Variants in OR8K3 observed in about 807,000 individuals in gnomAD.
The protein encoded by OR8K3 is olfactory receptor 8K3.
For synonymous variants in OR8K3, 167 were observed against 138.8 expected, an observed-to-expected ratio of 1.20 and a Z score of -1.43; for missense variants, 448 against 367.4, an observed-to-expected ratio of 1.22 and a Z score of -1.79.
chr11:56,315,621 C>T (rs879327424), intron 1 of OR8K3, among the ~76,000 whole-genome samples: 8 of 151,964 alleles, frequency 5.3e-5, no homozygotes, highest in Non-Finnish European at 8.8e-5. Context: ...GGCTCTCAGA[C>T]CCCTTAACAA....
At chr11:56,316,928 G>A (rs967059478) in intron 2 of OR8K3, among the ~76,000 whole-genome samples, 18 of 151,928 alleles carry the variant, frequency 1.2e-4, no homozygotes, top group Admixed American at 5.2e-4. Flanking sequence ...TTTTAATAAA[G>A]TTTATATAAA....
rs1854508683 is a variant in OR8K3, at chr11:56,320,335, G to T, written c.*1090G>T. ...TATCTATCTGCTGGCTATTACAGATGTCCTTTGACAGTTACAGACCTTCAC... is the reference window on the plus strand; with the variant it reads ...TATCTATCTGCTGGCTATTACAGATTTCCTTTGACAGTTACAGACCTTCAC... On this transcript the variant is annotated 3_prime_UTR_variant, in exon 3 of 3. Coordinates refer to ENST00000641662, the MANE Select transcript of OR8K3 (RefSeq NM_001005202.2). 6.6e-6 allele frequency: 1 copy of T among 152,196 alleles called. No individual in the cohort carries two copies. 9.4% of individuals were successfully genotyped at this position (152,196 alleles called of 1,614,324 possible). A position where few individuals can be genotyped will look rare whatever the true frequency, so the allele number is the denominator to read the frequency against.
At chr11:56,316,546 T>C (rs138257051) in intron 2 of OR8K3, among the ~76,000 whole-genome samples, 79 of 152,176 alleles carry the variant, frequency 5.2e-4, no homozygotes, top group African/African-American at 1.7e-3. Context: ...TATTCGATTA[T>C]ACATATGTTA....
In OR8K3 at chr11:56,319,216, T is replaced by A; in HGVS notation, c.910T>A (p.Trp304Arg). ...KDVKYALRRT[W>R]NNLCNIFV ...TGTAAAATATGCCCTACGAAGGACA[T>A]GGAATAACTTATGTAATATTTTTGT... Residue 304 changes from tryptophan (W) to arginine (R), a missense_variant, in exon 3 of 3, where the codon TGG becomes AGG. Physicochemically the swap from Trp to Arg is moderately radical, Grantham distance 101. Transcript: ENST00000641662. 6.2e-7 allele frequency: 1 copy of A among 1,604,204 alleles called. No individual in the cohort carries two copies. The highest frequency in any genetic ancestry group is 8.5e-7 in the Non-Finnish European group (1 of 1,171,536).
At position 56,319,045 on chromosome 11, in the gene OR8K3, G is replaced by T; in HGVS notation, c.739G>T (p.Val247Phe). ...FSTCGAHLTV[V>F]IVFYGTLLFM... ...TACCTGTGGAGCCCACCTGACAGTG[G>T]TCATAGTGTTCTATGGGACTTTGCT... Residue 247 changes from valine (V) to phenylalanine (F), a missense_variant, in exon 3 of 3, where the codon GTC becomes TTC. Transcript: ENST00000641662. 6.2e-7 allele frequency: 1 copy of T among 1,614,090 alleles called. No homozygotes were observed. Among genetic ancestry groups the T allele is most frequent in the Non-Finnish European group, 8.5e-7 (1 of 1,179,996 alleles).
rs201372262 is a variant in OR8K3 at position 56,318,971 on chromosome 11, T to C, written c.665T>C (p.Leu222Pro). The change falls in exon 3 of 3, where the codon CTT becomes CCT. Residue 222 changes from leucine (L) to proline (P), a missense_variant. Leu to Pro is a moderately conservative substitution (Grantham distance 98). Coordinates refer to ENST00000641662, the MANE Select transcript of OR8K3 (RefSeq NM_001005202.2). ...LIVLLSYLLI[L>P]VAILRMNSAG... ...GTTCTTTTATCTTACCTGCTCATCCTTGTAGCCATTCTCAGGATGAATTCT... is the reference window on the plus strand; with the variant it reads ...GTTCTTTTATCTTACCTGCTCATCCCTGTAGCCATTCTCAGGATGAATTCT... The C allele has an allele frequency of 6.2e-6, 10 of 1,614,220 alleles. No homozygotes were observed. Among genetic ancestry groups the C allele is most frequent in the Non-Finnish European group, 8.5e-6 (10 of 1,180,040 alleles).
At chr11:56,318,251 GA>G (rs772265773) in intron 2 of OR8K3, 32 bp from the exon 3 acceptor site, 3 of 1,245,600 alleles carry the variant, frequency 2.4e-6, no homozygotes, top group Non-Finnish European at 2.3e-6. Flanking sequence ...GATGATAGAG[GA>G]AAGCTATTGA....
Position 56,318,389 on chromosome 11 carries a change from T to C in OR8K3, c.83T>C (p.Phe28Ser), listed in dbSNP as rs1485761814. The C allele has an allele frequency of 1.1e-5, 17 of 1,613,618 alleles. No individual in the cohort carries two copies. Among genetic ancestry groups the C allele is most frequent in the South Asian group, 5.5e-5 (5 of 91,064 alleles). Residue 28 changes from phenylalanine (F) to serine (S), a missense_variant, in exon 3 of 3, where the codon TTT becomes TCT. Physicochemically the swap from Phe to Ser is radical, Grantham distance 155. Coordinates refer to ENST00000641662, the MANE Select transcript of OR8K3 (RefSeq NM_001005202.2). ...ATCGCTGAGCTGCAGGCACCATTAT[T>C]TGCATTGTTCCTCATGATCTATGTG... Reference protein sequence around the residue: ...TDIAELQAPLFALFLMIYVIS... With the variant: ...TDIAELQAPLSALFLMIYVIS...
intron 2 of OR8K3, among the ~76,000 whole-genome samples, chr11:56,317,219 A>G (rs1854455940): frequency 6.6e-6 from 1 of 152,104 alleles, no homozygotes; most frequent in Non-Finnish European, 1.5e-5. Context: ...TAACAAGAAG[A>G]AGAAAACTCA....
At chr11:56,317,459 C>T (rs1258931101) in intron 2 of OR8K3, among the ~76,000 whole-genome samples, 1 of 151,828 alleles carries the variant, frequency 6.6e-6, no homozygotes, top group East Asian at 1.9e-4. Context: ...ATATTTTTTG[C>T]TTTGTAAATA....
chr11:56,319,251 G>T lies in OR8K3; in HGVS notation c.*6G>T. On this transcript the variant is annotated 3_prime_UTR_variant, in exon 3 of 3. Coordinates refer to ENST00000641662, the MANE Select transcript of OR8K3 (RefSeq NM_001005202.2). ...TATGTAATATTTTTGTTTAAATTTT[G>T]TACAATATGATTCCTATAAATTAGG... is the stretch of plus-strand genomic sequence containing the variant. 3 of 1,509,230 alleles carry T rather than the reference G, an allele frequency of 2.0e-6. No homozygotes were observed. In the South Asian group the frequency reaches 3.4e-5, roughly 17 times the overall value. 93.5% of individuals were successfully genotyped at this position (1,509,230 alleles called of 1,614,324 possible).
At position 56,319,566 on chromosome 11, in the gene OR8K3, A is replaced by C. The variant is rs912217876; in HGVS notation, c.*321A>C. ...GGCAGTAGGAAACAGTGGTCATTACAGAAGGGAGTTACGAGGATTCCAGTG... is the reference window on the plus strand; with the variant it reads ...GGCAGTAGGAAACAGTGGTCATTACCGAAGGGAGTTACGAGGATTCCAGTG... On this transcript the variant is annotated 3_prime_UTR_variant, in exon 3 of 3. Transcript: ENST00000641662. The C allele has an allele frequency of 4.2e-6, 1 of 237,848 alleles. No homozygotes were observed. The highest frequency in any genetic ancestry group is 8.2e-6 in the Non-Finnish European group (1 of 121,584). The allele number at this position is 237,848 out of a possible 1,614,324, so 14.7% of individuals were successfully genotyped here. A position where few individuals can be genotyped will look rare whatever the true frequency, so the allele number is the denominator to read the frequency against.
Position 56,318,269 on chromosome 11 carries a change from CG to C in OR8K3, c.-23-14del. On this transcript the variant is annotated splice_polypyrimidine_tract_variant and intron_variant, in intron 2 of 2. Transcript: ENST00000641662. ...GATAGAGGAAAGCTATTGACAATGCCGATGTCTCTATCAGAATAGGTTTTCT... is the reference window on the plus strand; with the variant it reads ...GATAGAGGAAAGCTATTGACAATGCCATGTCTCTATCAGAATAGGTTTTCT... 4 of 1,440,740 alleles carry C rather than the reference CG, an allele frequency of 2.8e-6. No individual in the cohort carries two copies. The South Asian group carries it at 4.9e-5, about 18-fold the overall frequency. 89.2% of individuals were successfully genotyped at this position (1,440,740 alleles called of 1,614,324 possible).
Position 56,318,675 on chromosome 11 carries a change from T to A in OR8K3, c.369T>A (p.Tyr123Ter). ...FILSAMSYDL[Y>*]VAICNPLLYT... ...TCTCAGCCATGTCCTACGACCTCTA[T>A]GTGGCCATCTGTAACCCTCTGCTAT... Residue 123 changes from tyrosine (Y) to a stop codon, truncating the protein, a stop_gained, in exon 3 of 3, where the codon TAT becomes TAA. Coordinates refer to ENST00000641662, the MANE Select transcript of OR8K3 (RefSeq NM_001005202.2). LOFTEE classifies it low-confidence loss of function (END_TRUNC). 1 of 1,613,902 alleles carries A rather than the reference T, an allele frequency of 6.2e-7. No individual in the cohort carries two copies. The highest frequency in any genetic ancestry group is 2.2e-5 in the East Asian group (1 of 44,884).
At position 56,318,573 on chromosome 11, in the gene OR8K3, G is replaced by T; in HGVS notation, c.267G>T (p.Lys89Asn). The T allele has an allele frequency of 6.2e-7, 1 of 1,613,398 alleles. No individual in the cohort carries two copies. The highest frequency in any genetic ancestry group is 1.1e-5 in the South Asian group (1 of 91,016). ...PKMLVNFVVD[K>N]NIISYYFCAT... Reference sequence around the variant, plus strand: ...TGTTAGTAAATTTTGTTGTGGATAAGAATATAATTTCTTATTATTTTTGTG... The same window carrying T: ...TGTTAGTAAATTTTGTTGTGGATAATAATATAATTTCTTATTATTTTTGTG... Residue 89 changes from lysine to asparagine, a missense_variant, in exon 3 of 3, where the codon AAG becomes AAT. By Grantham distance (94) the Lys-to-Asn change is moderately conservative. Transcript: ENST00000641662.
Position 56,318,594 on chromosome 11 carries a change from T to C in OR8K3, c.288T>C (p.Phe96=), listed in dbSNP as rs370687240. 2 of 1,613,602 alleles carry C rather than the reference T, an allele frequency of 1.2e-6. No homozygotes were observed. The highest frequency in any genetic ancestry group is 1.7e-5 in the Admixed American group (1 of 59,892). The change falls in exon 3 of 3, where the codon TTT becomes TTC. Residue 96 remains phenylalanine, a synonymous_variant. Coordinates refer to ENST00000641662, the MANE Select transcript of OR8K3 (RefSeq NM_001005202.2). The part of the protein sequence containing the change: ...VVDKNIISYY[F]CATQLAFFLV... ...ATAAGAATATAATTTCTTATTATTT[T>C]TGTGCAACACAGCTAGCTTTCTTTC...
At chr11:56,316,875 AT>A (rs1854450714) in intron 2 of OR8K3, among the ~76,000 whole-genome samples, 1 of 152,050 alleles carries the variant, frequency 6.6e-6, no homozygotes, top group African/African-American at 2.4e-5. Context: ...TCAAGTTAGC[AT>A]TTCTCAATTA....
At chr11:56,315,793 C>A (rs758279475) in intron 1 of OR8K3, among the ~76,000 whole-genome samples, 5 of 146,952 alleles carry the variant, frequency 3.4e-5, no homozygotes, top group Admixed American at 6.7e-5. Flanking sequence ...AAAAAAAAAA[C>A]ATTTTAAAAT....
In OR8K3 at chr11:56,318,641, T is replaced by G. The variant is rs374707957; in HGVS notation, c.335T>G (p.Leu112Arg). Reference protein sequence around the residue: ...AFFLVFIGSELFILSAMSYDL... With the variant: ...AFFLVFIGSERFILSAMSYDL... The stretch of plus-strand genomic sequence containing the variant: ...TTTCTTGTGTTCATTGGTAGTGAAC[T>G]TTTTATTCTCTCAGCCATGTCCTAC... The change falls in exon 3 of 3, where the codon CTT becomes CGT. Residue 112 changes from leucine (L) to arginine (R), a missense_variant. Transcript: ENST00000641662. 11 of 1,613,776 alleles carry G rather than the reference T, an allele frequency of 6.8e-6. No homozygotes were observed. Among genetic ancestry groups the G allele is most frequent in the Non-Finnish European group, 8.5e-6 (10 of 1,179,676 alleles).
Sources: gnomAD v4.1 joint callset for allele counts (sites outside exome capture counted in the v4.1 genomes callset) on GRCh38, gnomAD v4.1.1 for gene constraint, MANE v1.5 for transcripts, NCBI Gene and HGNC (gene_info 2026-07-23, HGNC 2026-07-21) for gene names.